Variants in PTCD3 observed in about 807,000 individuals in gnomAD.
PTCD3 encodes the protein small ribosomal subunit protein mS39.
A neutral mutation model predicts 101.9 loss-of-function variants in PTCD3; 89 were observed. That is an observed-to-expected ratio of 0.87 (90% CI 0.74 to 1.04). PTCD3 has a LOEUF of 1.04. Ranked by LOEUF, PTCD3 falls within the 50% of genes least tolerant of loss-of-function variation. The pLI is 0.00. For missense variants in PTCD3, 870 were observed against 828.2 expected (o/e 1.05, Z -0.62); for synonymous variants, 296 against 278.5 (o/e 1.06, Z -0.63).
chr2:86,135,142 A>C, intron 21 of PTCD3, 155 bp downstream of exon 21: 3 of 729,156 alleles, frequency 4.1e-6, no homozygotes, highest in Non-Finnish European at 6.6e-6. Flanking sequence ...TTTTGGAAGA[A>C]GACAGTATGC....
intron 14 of PTCD3, 76 bp from the exon 15 acceptor site, chr2:86,130,572 C>G: frequency 6.5e-7 from 1 of 1,529,292 alleles, no homozygotes; most frequent in Non-Finnish European, 8.8e-7. Context: ...AGAAATGTGT[C>G]CCTTTGTATT....
chr2:86,141,193 T>C lies in PTCD3; in HGVS notation c.*3634T>C, dbSNP rs968790123. Reference sequence around the variant, plus strand: ...AAACTAATAATAGACTAGTGAAACCTACTCCTCACATGGGTAAGAGTTGCA... The same window carrying C: ...AAACTAATAATAGACTAGTGAAACCCACTCCTCACATGGGTAAGAGTTGCA... On this transcript the variant is annotated 3_prime_UTR_variant, in exon 24 of 24. Coordinates refer to ENST00000254630, the MANE Select transcript of PTCD3 (RefSeq NM_017952.6). 2 of 152,176 alleles carry C rather than the reference T, an allele frequency of 1.3e-5. No homozygotes were observed. Among genetic ancestry groups the C allele is most frequent in the Non-Finnish European group, 1.5e-5 (1 of 68,028 alleles). 9.4% of individuals were successfully genotyped at this position (152,176 alleles called of 1,614,324 possible). A position where few individuals can be genotyped will look rare whatever the true frequency, so the allele number is the denominator to read the frequency against.
In PTCD3 at chr2:86,125,850, G is replaced by A; in HGVS notation, c.921G>A (p.Glu307=). ...LIEATVCAIN[E]KFEEKWSKIL... ...AAGCAACAGTATGTGCGATAAATGA[G>A]AAATTTGAGGAAAAATGGAGTAAAA... is the stretch of plus-strand genomic sequence containing the variant. Residue 307 remains glutamate (E), a synonymous_variant, in exon 12 of 24, where the codon GAG becomes GAA. Coordinates refer to ENST00000254630, the MANE Select transcript of PTCD3 (RefSeq NM_017952.6). 1 of 1,607,084 alleles carries A rather than the reference G, an allele frequency of 6.2e-7. No homozygotes were observed. The highest frequency in any genetic ancestry group is 8.5e-7 in the Non-Finnish European group (1 of 1,173,670).
chr2:86,116,243 A>G (rs751361203), intron 4 of PTCD3, among the ~76,000 whole-genome samples: 3 of 152,354 alleles, frequency 2.0e-5, no homozygotes, highest in Non-Finnish European at 4.4e-5. Flanking sequence ...ATTTAGCTAG[A>G]AAGACTTGTG....
At position 86,134,319 on chromosome 2, in the gene PTCD3, G is replaced by A. The variant is rs147045229; in HGVS notation, c.1571G>A (p.Arg524His). Residue 524 changes from arginine (R) to histidine (H), a missense_variant, in exon 20 of 24, where the codon CGC becomes CAC. Coordinates refer to ENST00000254630, the MANE Select transcript of PTCD3 (RefSeq NM_017952.6). Reference protein sequence around the residue: ...KDSKEYGHTFRSDLREEILML... With the variant: ...KDSKEYGHTFHSDLREEILML... ...AGTAAAGAATATGGTCATACTTTCC[G>A]CAGTGACCTGAGAGAAGAGATCCTG... 8.1e-6 allele frequency: 13 copies of A among 1,612,808 alleles called. No individual in the cohort carries two copies. In the East Asian group the frequency reaches 8.9e-5, roughly 11 times the overall value.
chr2:86,125,270 G>A (rs13424070), intron 10 of PTCD3, among the ~76,000 whole-genome samples, 185 bp from the exon 11 acceptor site: 2,009 of 152,154 alleles, frequency 0.013, 21 homozygotes, highest in Admixed American at 0.023. Context: ...TTTCAGTTGT[G>A]ACAAATAAAA....
chr2:86,136,650 G>C, intron 22 of PTCD3, 88 bp downstream of exon 22: 1 of 1,449,020 alleles, frequency 6.9e-7, no homozygotes, highest in Non-Finnish European at 9.7e-7. Context: ...CACCACATTT[G>C]GGCACTCTTC....
chr2:86,108,445 G>A (rs531213921), intron 2 of PTCD3, 43 bp downstream of exon 2: 18 of 1,591,448 alleles, frequency 1.1e-5, no homozygotes, highest in Middle Eastern at 3.7e-4. Flanking sequence ...ATATCAACAC[G>A]TTGGATTCCA....
intron 12 of PTCD3, 39 bp from the exon 13 acceptor site, chr2:86,127,122 C>G (rs368070452): frequency 3.2e-6 from 5 of 1,564,366 alleles, no homozygotes; most frequent in Non-Finnish European, 3.5e-6. Context: ...GACAGATTAC[C>G]CAGGCATGAA....
intron 1 of PTCD3, among the ~76,000 whole-genome samples, chr2:86,108,050 C>G (rs959180209): frequency 3.3e-5 from 5 of 151,248 alleles, no homozygotes; most frequent in Non-Finnish European, 7.4e-5. Flanking sequence ...CACTTGAGCC[C>G]AGGAGTTCAA....
chr2:86,118,140 G>A (rs1016243238), intron 6 of PTCD3, among the ~76,000 whole-genome samples: 6 of 152,068 alleles, frequency 3.9e-5, no homozygotes, highest in Non-Finnish European at 7.4e-5. Context: ...TTTTTATTGT[G>A]TATACTCTTC....
chr2:86,108,253 G>A, intron 1 of PTCD3, 97 bp from the exon 2 acceptor site: 4 of 1,365,726 alleles, frequency 2.9e-6, no homozygotes, highest in Non-Finnish European at 4.0e-6. Flanking sequence ...TTTAATCCGT[G>A]ATAATTGGAG....
intron 8 of PTCD3, among the ~76,000 whole-genome samples, chr2:86,123,084 C>T (rs1473343376): frequency 6.6e-6 from 1 of 151,588 alleles, no homozygotes; most frequent in Non-Finnish European, 1.5e-5. Flanking sequence ...ATGGTGAAAT[C>T]CCGTCCCTAC....
chr2:86,114,905 CT>C (rs762292710), intron 4 of PTCD3, among the ~76,000 whole-genome samples: 8 of 152,178 alleles, frequency 5.3e-5, no homozygotes, highest in Non-Finnish European at 1.0e-4. Flanking sequence ...ACAGGACATG[CT>C]TAATTCCTCC....
chr2:86,134,238 A>G, intron 19 of PTCD3, 54 bp from the exon 20 acceptor site: 1 of 1,344,864 alleles, frequency 7.4e-7, no homozygotes, highest in Non-Finnish European at 1.1e-6. Context: ...AGTGAACAAA[A>G]GTGTGTTGGT....
intron 7 of PTCD3, 96 bp from the exon 8 acceptor site, chr2:86,121,383 C>A: frequency 1.4e-6 from 1 of 712,296 alleles, no homozygotes; most frequent in Non-Finnish European, 2.3e-6. Context: ...GCCCTGAAGA[C>A]CACCGCTAAT....
At chr2:86,131,976 G>A (rs554025797) in intron 16 of PTCD3, among the ~76,000 whole-genome samples, 2 of 152,214 alleles carry the variant, frequency 1.3e-5, no homozygotes, top group Non-Finnish European at 2.9e-5. Flanking sequence ...GTATTTCATA[G>A]TAAGAACCAT....
intron 3 of PTCD3, among the ~76,000 whole-genome samples, chr2:86,110,108 CTGAA>C (rs1674048336): frequency 6.6e-6 from 1 of 152,144 alleles, no homozygotes; most frequent in Non-Finnish European, 1.5e-5. Context: ...AGTGAGTAAT[CTGAA>C]TGTCATCATT....
intron 7 of PTCD3, 21 bp downstream of exon 7, chr2:86,119,065 C>T (rs200464047): frequency 6.2e-7 from 1 of 1,611,896 alleles, no homozygotes; most frequent in Admixed American, 1.7e-5. Context: ...TCGATTAAAG[C>T]CCCTCTAATA....
Sources: gnomAD v4.1 joint callset for allele counts (sites outside exome capture counted in the v4.1 genomes callset) on GRCh38, gnomAD v4.1.1 for gene constraint, MANE v1.5 for transcripts, NCBI Gene and HGNC (gene_info 2026-07-23, HGNC 2026-07-21) for gene names.